MTARC1: variants seen among roughly 807,000 people sequenced by gnomAD.
MTARC1 encodes the protein mitochondrial amidoxime reducing component 1.
Under a neutral mutation model 33.6 loss-of-function variants are expected in MTARC1, and 24 were observed. The observed-to-expected ratio is 0.72, with a 90% CI of 0.52 to 1.01. The LOEUF is 1.01. MTARC1 is among the 50% of genes least tolerant of loss of function. The pLI is 0.00. For synonymous variants in MTARC1, 187 were observed against 189.5 expected (o/e 0.99, Z 0.11); for missense variants, 417 against 445.7 (o/e 0.94, Z 0.58).
At chr1:220,787,361 AGGCC>A in intron 1 of MTARC1, 142 bp downstream of exon 1, 1 of 1,334,636 alleles carries the variant, frequency 7.5e-7, no homozygotes, top group Admixed American at 3.6e-5. Flanking sequence ...GGGTGAGACA[AGGCC>A]AAAGAGAAAA....
In MTARC1 at chr1:220,787,119, G is replaced by A; in HGVS notation, c.175G>A (p.Ala59Thr). 1 of 1,546,500 alleles carries A rather than the reference G, an allele frequency of 6.5e-7. No individual in the cohort carries two copies. The highest frequency in any genetic ancestry group is 8.7e-7 in the Non-Finnish European group (1 of 1,148,316). Residue 59 changes from alanine to threonine, a missense_variant, in exon 1 of 7, where the codon GCG becomes ACG. Transcript: ENST00000366910. The stretch of plus-strand genomic sequence containing the variant: ...GCTGCTGCAGCAGGTGGGCACAGTG[G>A]CGCAGCTCTGGATCTACCCTGTGAA... Reference protein sequence around the residue: ...RRLLQQVGTVAQLWIYPVKSC... With the variant: ...RRLLQQVGTVTQLWIYPVKSC...
Position 220,805,248 on chromosome 1 carries a change from G to T in MTARC1, c.861G>T (p.Arg287Ser). The T allele has an allele frequency of 6.2e-7, 1 of 1,613,474 alleles. No homozygotes were observed. The highest frequency in any genetic ancestry group is 8.5e-7 in the Non-Finnish European group (1 of 1,180,030). The change falls in exon 6 of 7, where the codon AGG (arginine) becomes AGT (serine). Residue 287 changes from arginine to serine, a missense_variant. Coordinates refer to ENST00000366910, the MANE Select transcript of MTARC1 (RefSeq NM_022746.4). The stretch of plus-strand genomic sequence containing the variant: ...ACCCAGACACCGGTGTCATGAGCAG[G>T]AAGGAACCGCTGGAAACACTGAAGA... Reference protein sequence around the residue: ...TVDPDTGVMSRKEPLETLKSY... With the variant: ...TVDPDTGVMSSKEPLETLKSY...
intron 3 of MTARC1, among the ~76,000 whole-genome samples, chr1:220,797,191 G>A (rs1367316630): frequency 6.6e-6 from 1 of 152,180 alleles, no homozygotes; most frequent in African/African-American, 2.4e-5. Flanking sequence ...GAGATACACA[G>A]ACTCAAATGA....
At chr1:220,795,536 A>G (rs1348918001) in intron 2 of MTARC1, among the ~76,000 whole-genome samples, 1 of 152,258 alleles carries the variant, frequency 6.6e-6, no homozygotes, top group Non-Finnish European at 1.5e-5. Flanking sequence ...TTTAAAAAAG[A>G]AACTTTATGT....
Position 220,813,319 on chromosome 1 carries a change from A to G in MTARC1, c.915A>G (p.Arg305=). ...KSYRQCDPSE[R]KLYGKSPLFG... Reference sequence around the variant, plus strand: ...ATCGCCAGTGTGACCCTTCAGAACGAAAGTTATATGGAAAATCACCACTCT... The same window carrying G: ...ATCGCCAGTGTGACCCTTCAGAACGGAAGTTATATGGAAAATCACCACTCT... Residue 305 remains arginine, a synonymous_variant, in exon 7 of 7, where the codon CGA becomes CGG. Transcript: ENST00000366910. 1 of 1,614,138 alleles carries G rather than the reference A, an allele frequency of 6.2e-7. No individual in the cohort carries two copies. The highest frequency in any genetic ancestry group is 8.5e-7 in the Non-Finnish European group (1 of 1,180,038).
At position 220,815,924 on chromosome 1, in the gene MTARC1, G is replaced by A. The variant is rs7530074; in HGVS notation, c.*2506G>A. The A allele has an allele frequency of 0.29, 44,412 of 152,104 alleles. 6,478 individuals carry two copies. Among genetic ancestry groups the A allele is most frequent in the Admixed American group, 0.31 (4,800 of 15,288 alleles). The allele number at this position is 152,104 out of a possible 1,614,324, so 9.4% of individuals were successfully genotyped here. On this transcript the variant is annotated 3_prime_UTR_variant, in exon 7 of 7. Coordinates refer to ENST00000366910, the MANE Select transcript of MTARC1 (RefSeq NM_022746.4). ...AAAAGGACAATGTGGGCCAGGCTCC[G>A]GAGGGGCTGCCTAAAGGCTTGCTTT...
intron 4 of MTARC1, among the ~76,000 whole-genome samples, chr1:220,800,221 C>T (rs2642442): frequency 0.73 from 110,351 of 152,102 alleles, 40,196 homozygotes; most frequent in East Asian, 0.8. Flanking sequence ...TCTGAGTGTT[C>T]CCTAGTTGAG....
intron 2 of MTARC1, chr1:220,794,181 A>G (rs1672527836): frequency 6.6e-6 from 1 of 152,204 alleles, no homozygotes; most frequent in East Asian, 1.9e-4. Flanking sequence ...AAAAGCAACT[A>G]AGGGAAGCCC....
rs893438397 is a variant in MTARC1 at position 220,814,330 on chromosome 1, G to A, written c.*912G>A. 1.2e-4 allele frequency: 18 copies of A among 152,192 alleles called. No homozygotes were observed. The highest frequency in any genetic ancestry group is 4.1e-4 in the African/African-American group (17 of 41,440). The allele number at this position is 152,192 out of a possible 1,614,324, so 9.4% of individuals were successfully genotyped here. On this transcript the variant is annotated 3_prime_UTR_variant, in exon 7 of 7. Transcript: ENST00000366910. Reference sequence around the variant, plus strand: ...CCATTTTGTCCTTTGATTATATTGGGAAGTTGACTAAACTTGAAAAATGTT... The same window carrying A: ...CCATTTTGTCCTTTGATTATATTGGAAAGTTGACTAAACTTGAAAAATGTT...
intron 2 of MTARC1, among the ~76,000 whole-genome samples, chr1:220,794,781 G>T (rs1672550694): frequency 6.6e-6 from 1 of 152,090 alleles, no homozygotes; most frequent in African/African-American, 2.4e-5. Flanking sequence ...TAGGCCTTGG[G>T]TGCATATTTC....
In MTARC1 at chr1:220,814,966, C is replaced by A. The variant is rs1673245450; in HGVS notation, c.*1548C>A. The stretch of plus-strand genomic sequence containing the variant: ...AAAAGAGGTCAGTAATCGCTGAAAT[C>A]TAGCTGAGCCCTGAAGTAAAGTTCT... On this transcript the variant is annotated 3_prime_UTR_variant, in exon 7 of 7. Coordinates refer to ENST00000366910, the MANE Select transcript of MTARC1 (RefSeq NM_022746.4). 6.6e-6 allele frequency: 1 copy of A among 152,242 alleles called. No homozygotes were observed. Among genetic ancestry groups the A allele is most frequent in the African/African-American group, 2.4e-5 (1 of 41,460 alleles). 9.4% of individuals were successfully genotyped at this position (152,242 alleles called of 1,614,324 possible). A position where few individuals can be genotyped will look rare whatever the true frequency, so the allele number is the denominator to read the frequency against.
rs778809028 is a variant in MTARC1, at chr1:220,791,647, T to C, written c.432T>C (p.Asn144=). Residue 144 remains asparagine (N), a synonymous_variant, in exon 2 of 7, where the codon AAT becomes AAC. Coordinates refer to ENST00000366910, the MANE Select transcript of MTARC1 (RefSeq NM_022746.4). ...TGCCTATCAAAACGCCCACCACAAA[T>C]GCAGTGCACAAGTGCAGGTAAGGAA... The part of the protein sequence containing the change: ...LLLPIKTPTT[N]AVHKCRVHGL... 1 of 1,613,904 alleles carries C rather than the reference T, an allele frequency of 6.2e-7. No homozygotes were observed. Among genetic ancestry groups the C allele is most frequent in the African/African-American group, 1.3e-5 (1 of 74,868 alleles).
chr1:220,813,734 G>A lies in MTARC1; in HGVS notation c.*316G>A, dbSNP rs965971179. On this transcript the variant is annotated 3_prime_UTR_variant, in exon 7 of 7. Coordinates refer to ENST00000366910, the MANE Select transcript of MTARC1 (RefSeq NM_022746.4). The stretch of plus-strand genomic sequence containing the variant: ...GCTTCTCCGTTTATCTACCAAGAGC[G>A]CAGACTTGCATCCTGTCACTACCAC... The A allele has an allele frequency of 5.4e-5, 15 of 279,820 alleles. No homozygotes were observed. Among genetic ancestry groups the A allele is most frequent in the Admixed American group, 4.5e-4 (10 of 22,076 alleles). 17.3% of individuals were successfully genotyped at this position (279,820 alleles called of 1,614,324 possible). A position where few individuals can be genotyped will look rare whatever the true frequency, so the allele number is the denominator to read the frequency against.
chr1:220,816,209 C>CG lies in MTARC1; in HGVS notation c.*2794dup, dbSNP rs1427175357. 1 of 152,136 alleles carries CG rather than the reference C, an allele frequency of 6.6e-6. No individual in the cohort carries two copies. The highest frequency in any genetic ancestry group is 2.4e-5 in the African/African-American group (1 of 41,412). 9.4% of individuals were successfully genotyped at this position (152,136 alleles called of 1,614,324 possible). ...AAATTAGACTAGCCAAATGGGACTT[C>CG]GGGAAACCATTTATGAGGCTGTCAC... On this transcript the variant is annotated 3_prime_UTR_variant, in exon 7 of 7. Coordinates refer to ENST00000366910, the MANE Select transcript of MTARC1 (RefSeq NM_022746.4).
intron 1 of MTARC1, 44 bp downstream of exon 1, chr1:220,787,263 G>C: frequency 6.6e-7 from 1 of 1,526,488 alleles, no homozygotes; most frequent in African/African-American, 1.4e-5. Flanking sequence ...TCCGGCTCGG[G>C]GCAAGGGGGT....
intron 6 of MTARC1, among the ~76,000 whole-genome samples, chr1:220,806,315 CCCTT>C (rs146591411): frequency 0.015 from 2,309 of 152,290 alleles, 26 homozygotes; most frequent in Non-Finnish European, 0.021. Flanking sequence ...GCCCCTGAGA[CCCTT>C]CCTTGGCTTT....
intron 4 of MTARC1, among the ~76,000 whole-genome samples, chr1:220,804,100 C>T (rs1672895314): frequency 6.6e-6 from 1 of 152,214 alleles, no homozygotes; most frequent in African/African-American, 2.4e-5. Context: ...AAGGTCAGGA[C>T]TATAATCAAA....
In MTARC1 at chr1:220,787,031, C is replaced by A; in HGVS notation, c.87C>A (p.Gly29=). 3 of 1,366,006 alleles carry A rather than the reference C, an allele frequency of 2.2e-6. No individual in the cohort carries two copies. The highest frequency in any genetic ancestry group is 1.8e-5 in the South Asian group (1 of 55,056). 84.6% of individuals were successfully genotyped at this position (1,366,006 alleles called of 1,614,324 possible). A position where few individuals can be genotyped will look rare whatever the true frequency, so the allele number is the denominator to read the frequency against. Residue 29 remains glycine, a synonymous_variant, in exon 1 of 7, where the codon GGC becomes GGA. Coordinates refer to ENST00000366910, the MANE Select transcript of MTARC1 (RefSeq NM_022746.4). The part of the protein sequence containing the change: ...RPGWLGVAAL[G]LTAVALGAVA... ...GGTGGCTCGGGGTTGCCGCGCTGGG[C>A]CTGACCGCGGTGGCGCTGGGGGCTG...
At chr1:220,793,682 A>G (rs1672508075) in intron 2 of MTARC1, 1 of 152,226 alleles carries the variant, frequency 6.6e-6, no homozygotes. Context: ...GCTATTAATA[A>G]GATACACAGA....
Sources: allele counts gnomAD v4.1 joint callset (sites outside exome capture counted in the v4.1 genomes callset), GRCh38; gene constraint gnomAD v4.1.1; transcripts MANE v1.5; gene names NCBI Gene and HGNC (gene_info 2026-07-23, HGNC 2026-07-21).